The following LENG8 variants were observed in gnomAD, a reference collection of about 807,000 sequenced individuals.
LENG8 encodes leukocyte receptor cluster member 8, also known as leukocyte receptor cluster (LRC) member 8.
LENG8 carries 28 observed loss-of-function variants against 102.1 expected under a neutral mutation model. That is an observed-to-expected ratio of 0.27 (90% CI 0.20 to 0.38). The LOEUF (loss-of-function observed/expected upper bound fraction) is 0.38, where lower values mean the gene tolerates loss of function less well. Ranked by LOEUF, LENG8 falls within the 10% of genes least tolerant of loss-of-function variation. The probability of loss-of-function intolerance (pLI) is 1.00; values close to 1 mark genes in which losing one functional copy is unlikely to be tolerated. For synonymous variants in LENG8, 531 were observed against 456.7 expected (o/e 1.16, Z -2.07); for missense variants, 1,022 against 1,113.9 (o/e 0.92, Z 1.17).
At chr19:54,453,472 G>A (rs1288598138) in intron 4 of LENG8, 74 bp from the exon 5 acceptor site, 14 of 908,364 alleles carry the variant, frequency 1.5e-5, no homozygotes, top group African/African-American at 6.7e-5. Context: ...CATGGCTGGT[G>A]TAGTTCCTGA....
At chr19:54,454,030 C>T (rs117886241) in intron 5 of LENG8, among the ~76,000 whole-genome samples, 4,161 of 152,212 alleles carry the variant, frequency 0.027, 111 homozygotes, top group Admixed American at 0.088. Flanking sequence ...TTACGCATCT[C>T]GGTCAGCTCT....
intron 13 of LENG8, 38 bp downstream of exon 13, chr19:54,458,040 T>C: frequency 6.2e-7 from 1 of 1,612,414 alleles, no homozygotes; most frequent in Non-Finnish European, 8.5e-7. Context: ...GCCCCTTTCC[T>C]GCTGCCGTTC....
intron 1 of LENG8, among the ~76,000 whole-genome samples, chr19:54,450,966 C>T (rs1425585823): frequency 6.6e-6 from 1 of 152,140 alleles, no homozygotes; most frequent in Non-Finnish European, 1.5e-5. Flanking sequence ...GGCACCCCTA[C>T]CCTCTGGACC....
In LENG8 at chr19:54,460,909, C is replaced by A; in HGVS notation, c.2384C>A (p.Ala795Glu). The A allele has an allele frequency of 6.5e-7, 1 of 1,549,992 alleles. No homozygotes were observed. The highest frequency in any genetic ancestry group is 8.7e-7 in the Non-Finnish European group (1 of 1,149,268). ...AGCATCGACTGCCGCCTCAGCCTGG[C>A]GCAGCTGTCAGCCTTCTGAGCACCC... Reference protein sequence around the residue: ...NSSIDCRLSLAQLSAF With the variant: ...NSSIDCRLSLEQLSAF Residue 795 changes from alanine to glutamate, a missense_variant, in exon 16 of 16, where the codon GCG becomes GAG. By Grantham distance (107) the Ala-to-Glu change is moderately radical (BLOSUM62 -1). This residue lies in a region of LENG8 where 129 missense variants were observed against 123.0 expected (regional missense o/e 1.05). Coordinates refer to ENST00000326764, the MANE Select transcript of LENG8 (RefSeq NM_052925.4).
In LENG8 at chr19:54,461,998, TAAAGAG is replaced by T. The variant is rs2084594186; in HGVS notation, c.*1072_*1077del. ...TTGGAAGCTTGAGAGAAACCAAAAT[TAAAGAG>T]AGAAAGAGAGAGCGTGCACGCTCCT... On this transcript the variant is annotated 3_prime_UTR_variant, in exon 16 of 16. Coordinates refer to ENST00000326764, the MANE Select transcript of LENG8 (RefSeq NM_052925.4). 3 of 1,422,430 alleles carry T rather than the reference TAAAGAG, an allele frequency of 2.1e-6. No homozygotes were observed. The highest frequency in any genetic ancestry group is 1.8e-4 in the Middle Eastern group (1 of 5,508). The allele number at this position is 1,422,430 out of a possible 1,614,324, so 88.1% of individuals were successfully genotyped here. A position where few individuals can be genotyped will look rare whatever the true frequency, so the allele number is the denominator to read the frequency against.
intron 4 of LENG8, 46 bp downstream of exon 4, chr19:54,452,798 C>T (rs2084024000): frequency 1.4e-6 from 2 of 1,422,716 alleles, no homozygotes; most frequent in Non-Finnish European, 9.9e-7. Flanking sequence ...GTGGAGTCTG[C>T]TGGGTCGGGG....
In LENG8 at chr19:54,456,510, G is replaced by A. The variant is rs1356261522; in HGVS notation, c.1445+45G>A. On this transcript the variant is annotated intron_variant, in intron 10 of 15. Coordinates refer to ENST00000326764, the MANE Select transcript of LENG8 (RefSeq NM_052925.4). ...CGACACACGGGCCAGGGTGGAGGAG[G>A]GTACTGGGGACCCATGGGAGAAGGA... 5 of 1,562,310 alleles carry A rather than the reference G, an allele frequency of 3.2e-6. No homozygotes were observed. The South Asian group carries it at 3.5e-5, about 11-fold the overall frequency.
chr19:54,452,164 C>T lies in LENG8; in HGVS notation c.110C>T (p.Pro37Leu). Residue 37 changes from proline (P) to leucine (L), a missense_variant, in exon 3 of 16, where the codon CCG (proline) becomes CTG (leucine). By Grantham distance (98) the Pro-to-Leu change is moderately conservative (BLOSUM62 -3). Coordinates refer to ENST00000326764, the MANE Select transcript of LENG8 (RefSeq NM_052925.4). ...NGMETPMHENPEWEKARQALA... is the reference protein window; with the variant it reads ...NGMETPMHENLEWEKARQALA... ...ATGGAGACGCCGATGCACGAGAACC[C>T]GGAGTGGGAGAAGGCCCGTCAGGCC... The T allele has an allele frequency of 1.9e-6, 3 of 1,614,160 alleles. No individual in the cohort carries two copies. The highest frequency in any genetic ancestry group is 2.5e-6 in the Non-Finnish European group (3 of 1,180,028).
chr19:54,450,191 C>A (rs10413086), intron 1 of LENG8, among the ~76,000 whole-genome samples: 78,577 of 151,940 alleles, frequency 0.52, 21,048 homozygotes, highest in East Asian at 0.74. Flanking sequence ...CACCCAACCA[C>A]GGTGATCCCT....
intron 5 of LENG8, 107 bp from the exon 6 acceptor site, chr19:54,454,323 G>C: frequency 5.2e-6 from 6 of 1,151,586 alleles, no homozygotes; most frequent in Non-Finnish European, 7.4e-6. Context: ...TCACGGGAGG[G>C]TTGAGTGCTG....
In LENG8 at chr19:54,460,874, G is replaced by T; in HGVS notation, c.2349G>T (p.Pro783=). The change falls in exon 16 of 16, where the codon CCG becomes CCT. Residue 783 remains proline (P), a synonymous_variant. Coordinates refer to ENST00000326764, the MANE Select transcript of LENG8 (RefSeq NM_052925.4). ...LEPLGLAYTG[P]DNSSIDCRLS... ...CCCTGGGCCTGGCCTACACGGGCCC[G>T]GACAACTCCAGCATCGACTGCCGCC... 2 of 1,561,276 alleles carry T rather than the reference G, an allele frequency of 1.3e-6. No individual in the cohort carries two copies. The highest frequency in any genetic ancestry group is 1.7e-6 in the Non-Finnish European group (2 of 1,154,320).
chr19:54,460,197 T>C, intron 15 of LENG8: 1 of 1,289,748 alleles, frequency 7.8e-7, no homozygotes, highest in Non-Finnish European at 1.0e-6. Context: ...CCTGTGTGTG[T>C]GGAAAGGGTA....
chr19:54,460,415 C>T (rs1010427450), intron 15 of LENG8: 50 of 1,242,266 alleles, frequency 4.0e-5, no homozygotes, highest in Non-Finnish European at 4.9e-5. Flanking sequence ...CACGGTGGCC[C>T]TGGCAGCCCC....
In LENG8 at chr19:54,458,434, A is replaced by C. The variant is rs748291698; in HGVS notation, c.2153A>C (p.Tyr718Ser). ...LGNYHRFFRL[Y>S]CHAPCMSGYL... ...AACTACCACCGCTTTTTCCGGCTCTACTGCCATGCACCCTGCATGTCTGGC... is the reference window on the plus strand; with the variant it reads ...AACTACCACCGCTTTTTCCGGCTCTCCTGCCATGCACCCTGCATGTCTGGC... The change falls in exon 15 of 16, where the codon TAC (tyrosine) becomes TCC (serine). Residue 718 changes from tyrosine (Y) to serine (S), a missense_variant. Around this residue, in one of 7 missense-constraint regions of LENG8, gnomAD observed 129 missense variants for 123.0 expected, o/e 1.05. Transcript: ENST00000326764. 1 of 1,614,252 alleles carries C rather than the reference A, an allele frequency of 6.2e-7. No individual in the cohort carries two copies. The highest frequency in any genetic ancestry group is 2.2e-5 in the East Asian group (1 of 44,882).
At chr19:54,458,826 C>G (rs996469508) in intron 15 of LENG8, 1 of 1,551,038 alleles carries the variant, frequency 6.4e-7, no homozygotes, top group Non-Finnish European at 8.7e-7. Context: ...GCCTGGACCC[C>G]CTAGTTCACT....
rs200148995 is a variant in LENG8 at position 54,455,360 on chromosome 19, G to A, written c.822-4G>A. On this transcript the variant is annotated splice_region_variant and splice_polypyrimidine_tract_variant and intron_variant, in intron 7 of 15. Coordinates refer to ENST00000326764, the MANE Select transcript of LENG8 (RefSeq NM_052925.4). Reference sequence around the variant, plus strand: ...AGCTGAGCCCCTCATCTGTCCTCCCGCAGCGGGTCCTCTGCCCGGGGGAAC... The same window carrying A: ...AGCTGAGCCCCTCATCTGTCCTCCCACAGCGGGTCCTCTGCCCGGGGGAAC... 32 of 1,613,972 alleles carry A rather than the reference G, an allele frequency of 2.0e-5. No homozygotes were observed. In the East Asian group the frequency reaches 2.5e-4, roughly 12 times the overall value.
In LENG8 at chr19:54,460,886, C is replaced by T. The variant is rs368824147; in HGVS notation, c.2361C>T (p.Ser787=). Residue 787 remains serine (S), a synonymous_variant, in exon 16 of 16, where the codon AGC becomes AGT. Transcript: ENST00000326764. ...CCTACACGGGCCCGGACAACTCCAG[C>T]ATCGACTGCCGCCTCAGCCTGGCGC... ...GLAYTGPDNS[S]IDCRLSLAQL... 1.9e-6 allele frequency: 3 copies of T among 1,556,194 alleles called. No individual in the cohort carries two copies. The highest frequency in any genetic ancestry group is 2.6e-6 in the Non-Finnish European group (3 of 1,151,792).
Position 54,458,299 on chromosome 19 carries a change from T to A in LENG8, c.2033-15T>A. 6.2e-6 allele frequency: 10 copies of A among 1,613,242 alleles called. No homozygotes were observed. The highest frequency in any genetic ancestry group is 8.5e-6 in the Non-Finnish European group (10 of 1,179,456). On this transcript the variant is annotated splice_polypyrimidine_tract_variant and intron_variant, in intron 14 of 15. Transcript: ENST00000326764. ...TTGAGCCCTGCTGACTTCACCCTCTTTGTCTTGGTGCTAGACATCACCACG... is the reference window on the plus strand; with the variant it reads ...TTGAGCCCTGCTGACTTCACCCTCTATGTCTTGGTGCTAGACATCACCACG...
At position 54,455,951 on chromosome 19, in the gene LENG8, C is replaced by T. The variant is rs2084211813; in HGVS notation, c.1026-16C>T. On this transcript the variant is annotated splice_polypyrimidine_tract_variant and intron_variant, in intron 8 of 15. Transcript: ENST00000326764. Reference sequence around the variant, plus strand: ...TCTGGCGGGGTTGGTGACGCCCTGCCCTGCTGTATTCTCAGGCTGACCCGG... The same window carrying T: ...TCTGGCGGGGTTGGTGACGCCCTGCTCTGCTGTATTCTCAGGCTGACCCGG... 1.9e-6 allele frequency: 3 copies of T among 1,607,958 alleles called. No homozygotes were observed. The highest frequency in any genetic ancestry group is 2.5e-6 in the Non-Finnish European group (3 of 1,177,604).
Sources: gnomAD v4.1 joint callset for allele counts (sites outside exome capture counted in the v4.1 genomes callset) on GRCh38, gnomAD v4.1.1 for gene constraint, gnomAD v4.1.1 regional missense constraint, MANE v1.5 for transcripts, NCBI Gene and HGNC (gene_info 2026-07-23, HGNC 2026-07-21) for gene names.